Variants in XRCC4 observed in about 807,000 individuals in gnomAD.
XRCC4 encodes the protein X-ray repair cross complementing 4.
XRCC4 carries 28 observed loss-of-function variants against 39.1 expected under a neutral mutation model. The ratio of observed to expected loss-of-function variants is 0.72; its 90% CI spans 0.53 to 0.98. The LOEUF (loss-of-function observed/expected upper bound fraction) is 0.98. XRCC4 is among the 50% of genes least tolerant of loss of function. The pLI, the probability that XRCC4 is intolerant of heterozygous loss-of-function variation, is 0.00. For missense variants in XRCC4, 350 were observed against 376.4 expected, an observed-to-expected ratio of 0.93 and a Z score of 0.58; for synonymous variants, 123 against 126.4, an observed-to-expected ratio of 0.97 and a Z score of 0.18.
intron 3 of XRCC4, among the ~76,000 whole-genome samples, chr5:83,127,189 G>A (rs10059545): frequency 0.081 from 12,289 of 152,044 alleles, 684 homozygotes; most frequent in Non-Finnish European, 0.12. Flanking sequence ...CATGAATTTG[G>A]GGGGCTAGGG....
intron 6 of XRCC4, among the ~76,000 whole-genome samples, chr5:83,212,914 G>A (rs1245049035): frequency 3.1e-5 from 4 of 130,534 alleles, no homozygotes; most frequent in Admixed American, 2.5e-4. Flanking sequence ...GAGACAGAAT[G>A]AGATTCCATC....
intron 6 of XRCC4, among the ~76,000 whole-genome samples, chr5:83,205,443 C>T (rs1171992676): frequency 7.9e-6 from 1 of 127,176 alleles, no homozygotes; most frequent in South Asian, 2.4e-4. Flanking sequence ...CTATGACTTA[C>T]TCAGTCCTTT....
intron 3 of XRCC4, among the ~76,000 whole-genome samples, chr5:83,167,079 G>T (rs546237417): frequency 1.3e-5 from 2 of 149,632 alleles, no homozygotes; most frequent in Non-Finnish European, 3.0e-5. Flanking sequence ...ATGGTATTTC[G>T]CCATGTTTGC....
rs1374988541 is a variant in XRCC4, at chr5:83,228,776, A to G, written c.745+23855A>G. Among the ~76,000 whole-genome samples the G allele has an allele frequency of 2.6e-5, 4 of 152,198 alleles. No individual in the cohort carries two copies. In the East Asian group the frequency reaches 7.7e-4, roughly 29 times the overall value. ...GTACCGGATACTGATTTCAAGTAGAAACTCACTTTACCAGTTTTGGCAACA... is the reference window on the plus strand; with the variant it reads ...GTACCGGATACTGATTTCAAGTAGAGACTCACTTTACCAGTTTTGGCAACA... On this transcript the variant is annotated intron_variant, in intron 6 of 7. Transcript: ENST00000396027.
At chr5:83,270,649 A>G (rs1754108849) in intron 7 of XRCC4, among the ~76,000 whole-genome samples, 1 of 151,998 alleles carries the variant, frequency 6.6e-6, no homozygotes, top group Non-Finnish European at 1.5e-5. Context: ...AGAGTATTCC[A>G]GTGCCTTCCC....
At chr5:83,137,283 TG>T (rs1402173194) in intron 3 of XRCC4, among the ~76,000 whole-genome samples, 1 of 152,142 alleles carries the variant, frequency 6.6e-6, no homozygotes, top group Non-Finnish European at 1.5e-5. Flanking sequence ...TCTTCACTGA[TG>T]ATAAATATCA....
chr5:83,127,862 T>C (rs986320636), intron 3 of XRCC4, among the ~76,000 whole-genome samples: 15 of 145,704 alleles, frequency 1.0e-4, no homozygotes, highest in South Asian at 6.7e-4. Context: ...TTTCACTGGG[T>C]AGAGAATTCT....
chr5:83,275,462 T>C (rs1754295608), intron 7 of XRCC4, among the ~76,000 whole-genome samples: 1 of 151,592 alleles, frequency 6.6e-6, no homozygotes, highest in Non-Finnish European at 1.5e-5. Flanking sequence ...GCCCGGCTAA[T>C]TTTTTTGTAT....
chr5:83,314,526 T>A (rs1249821358), intron 7 of XRCC4, among the ~76,000 whole-genome samples: 2 of 152,212 alleles, frequency 1.3e-5, no homozygotes, highest in African/African-American at 4.8e-5. Flanking sequence ...TGTGGCACTT[T>A]GCAGATATGG....
chr5:83,149,783 C>T (rs1748620060), intron 3 of XRCC4, among the ~76,000 whole-genome samples: 1 of 152,034 alleles, frequency 6.6e-6, no homozygotes, highest in Non-Finnish European at 1.5e-5. Context: ...TTGTTTCTCC[C>T]TATTAAGATA....
At chr5:83,340,618 TAAAA>T (rs34646294) in intron 7 of XRCC4, among the ~76,000 whole-genome samples, 95 of 145,230 alleles carry the variant, frequency 6.5e-4, no homozygotes, top group Middle Eastern at 7.4e-3. Flanking sequence ...CTCTACAAGC[TAAAA>T]AAAAAAAACA....
intron 7 of XRCC4, among the ~76,000 whole-genome samples, chr5:83,341,813 T>TA (rs1383967270): frequency 5.3e-5 from 8 of 152,204 alleles, no homozygotes; most frequent in Non-Finnish European, 1.0e-4. Flanking sequence ...TGAGCCTTCT[T>TA]ATTAATACAC....
chr5:83,229,980 G>C (rs1752438201), intron 6 of XRCC4, among the ~76,000 whole-genome samples: 1 of 151,802 alleles, frequency 6.6e-6, no homozygotes, highest in Non-Finnish European at 1.5e-5. Context: ...ATTAAATTAT[G>C]TCTCCAATAA....
intron 3 of XRCC4, among the ~76,000 whole-genome samples, chr5:83,182,136 G>C (rs10078661): frequency 6.6e-6 from 1 of 151,908 alleles, no homozygotes; most frequent in East Asian, 1.9e-4. Flanking sequence ...AAAACCAGGT[G>C]ATATTAATGA....
chr5:83,308,474 G>A (rs369328811), intron 7 of XRCC4, among the ~76,000 whole-genome samples: 15 of 152,186 alleles, frequency 9.9e-5, no homozygotes, highest in Admixed American at 7.8e-4. Flanking sequence ...TATTTTATAC[G>A]TGGATTTAGC....
chr5:83,099,370 T>C (rs889158737), intron 1 of XRCC4, among the ~76,000 whole-genome samples: 1 of 152,196 alleles, frequency 6.6e-6, no homozygotes, highest in African/African-American at 2.4e-5. Context: ...ATCAATGATA[T>C]AGTGTTGTAA....
In XRCC4 at chr5:83,306,143, A is replaced by G. The variant is rs548903528; in HGVS notation, c.894-46988A>G. On this transcript the variant is annotated intron_variant, in intron 7 of 7. Coordinates refer to ENST00000396027, the MANE Select transcript of XRCC4 (RefSeq NM_003401.5). ...ACTGAAGGTTGCAGATTTCTAGTGA[A>G]TAGAAACATGTGGTCCTCATCAAGT... 2.6e-5 allele frequency among the ~76,000 whole-genome samples: 4 copies of G among 152,232 alleles called. No homozygotes were observed. The South Asian group carries it at 8.3e-4, about 32-fold the overall frequency.
intron 7 of XRCC4, among the ~76,000 whole-genome samples, chr5:83,309,296 A>AAAAAAAAAATATATATATATAT (rs1561467702): frequency 1.4e-5 from 1 of 72,230 alleles, no homozygotes. Context: ...AAAAAAAAAA[A>AAAAAAAAAATATATATATATAT]ATATATATAT....
intron 7 of XRCC4, among the ~76,000 whole-genome samples, chr5:83,281,332 G>C (rs1561452540): frequency 6.6e-6 from 1 of 152,012 alleles, no homozygotes; most frequent in African/African-American, 2.4e-5. Context: ...TCTTTTTAAT[G>C]AGTCCCTACA....
Sources: gnomAD v4.1 joint callset for allele counts (sites outside exome capture counted in the v4.1 genomes callset) on GRCh38, gnomAD v4.1.1 for gene constraint, MANE v1.5 for transcripts, NCBI Gene and HGNC (gene_info 2026-07-23, HGNC 2026-07-21) for gene names.